The following ABCC1 variants were observed in gnomAD, a reference collection of about 807,000 sequenced individuals.
ABCC1 encodes the protein ATP binding cassette subfamily C member 1 (ABCC1 blood group).
ABCC1 carries 83 observed loss-of-function variants against 172.9 expected under a neutral mutation model. The observed-to-expected ratio is 0.48, with a 90% CI of 0.40 to 0.58. ABCC1 has a LOEUF of 0.58. Ranked by LOEUF, ABCC1 falls within the 20% of genes least tolerant of loss-of-function variation. The pLI, the probability that ABCC1 is intolerant of heterozygous loss-of-function variation, is 0.00. For missense variants in ABCC1, 1,817 were observed against 2,002.7 expected, an observed-to-expected ratio of 0.91 and a Z score of 1.77; for synonymous variants, 937 against 825.2, an observed-to-expected ratio of 1.14 and a Z score of -2.32.
chr16:15,999,836 C>CTCTTTCTTTCTTTCTTTCTTTCTTTCTT (rs375541317), intron 1 of ABCC1, among the ~76,000 whole-genome samples: 639 of 16,752 alleles, frequency 0.038, 58 homozygotes, highest in Admixed American at 0.054. Flanking sequence ...CTCTCTCTGT[C>CTCTTTCTTTCTTTCTTTCTTTCTTTCTT]TCTTTCTTTC....
chr16:15,949,808 C>G lies in ABCC1; in HGVS notation c.48+9C>G. 1 of 1,194,062 alleles carries G rather than the reference C, an allele frequency of 8.4e-7. No homozygotes were observed. The allele number at this position is 1,194,062 out of a possible 1,614,324, so 74.0% of individuals were successfully genotyped here. ...GCTCCGACCCGCTCTGGGTACGTGC[C>G]GGGGGCCGCGTGAGGCCGGCGGGAC... On this transcript the variant is annotated intron_variant, in intron 1 of 30. Coordinates refer to ENST00000399410, the MANE Select transcript of ABCC1 (RefSeq NM_004996.4).
chr16:15,998,055 C>T (rs1049741458), intron 1 of ABCC1, among the ~76,000 whole-genome samples: 2 of 151,752 alleles, frequency 1.3e-5, no homozygotes, highest in African/African-American at 4.8e-5. Flanking sequence ...CTCCTGGCCT[C>T]AAGTGATCTG....
chr16:16,124,938 G>A, intron 25 of ABCC1, 23 bp downstream of exon 25: 1 of 1,613,966 alleles, frequency 6.2e-7, no homozygotes, highest in African/African-American at 1.3e-5. Context: ...GCTCTTGGCT[G>A]GATTATTAAA....
chr16:16,009,592 G>A (rs1050979951), intron 2 of ABCC1, among the ~76,000 whole-genome samples, 184 bp from the exon 3 acceptor site: 2 of 152,184 alleles, frequency 1.3e-5, no homozygotes, highest in African/African-American at 4.8e-5. Flanking sequence ...TGCCGGCCTG[G>A]ATGCCAGCTC....
At position 16,004,815 on chromosome 16, in the gene ABCC1, C is replaced by T. The variant is rs533336845; in HGVS notation, c.49-3001C>T. Reference sequence around the variant, plus strand: ...GATTACAGACGTGCACTACCCTGCCCGGCTAATTTTTATGTTTTTAGTAAA... The same window carrying T: ...GATTACAGACGTGCACTACCCTGCCTGGCTAATTTTTATGTTTTTAGTAAA... On this transcript the variant is annotated intron_variant, in intron 1 of 30. Coordinates refer to ENST00000399410, the MANE Select transcript of ABCC1 (RefSeq NM_004996.4). Among the ~76,000 whole-genome samples the T allele has an allele frequency of 5.3e-5, 8 of 151,464 alleles. No homozygotes were observed. In the East Asian group the frequency reaches 1.2e-3, roughly 22 times the overall value.
rs533546619 is a variant in ABCC1, at chr16:16,010,339, G to C, written c.351+438G>C. ...TTATAAGCATGAGCCACTGTTCCCA[G>C]CCCCAGCTGCAGTCTTTGGATGGGG... On this transcript the variant is annotated intron_variant, in intron 3 of 30. Coordinates refer to ENST00000399410, the MANE Select transcript of ABCC1 (RefSeq NM_004996.4). Among the ~76,000 whole-genome samples the C allele has an allele frequency of 2.8e-4, 43 of 152,246 alleles. 1 individual carries two copies. Among genetic ancestry groups the C allele is most frequent in the Admixed American group, 1.0e-3 (16 of 15,272 alleles).
intron 1 of ABCC1, among the ~76,000 whole-genome samples, chr16:15,966,241 CA>C (rs1415186681): frequency 6.6e-6 from 1 of 151,482 alleles, no homozygotes; most frequent in East Asian, 1.9e-4. Flanking sequence ...GGTGAAACCC[CA>C]TCTCTACTAA....
At position 16,102,722 on chromosome 16, in the gene ABCC1, G is replaced by C; in HGVS notation, c.2735+5G>C. On this transcript the variant is annotated splice_donor_5th_base_variant and intron_variant, in intron 20 of 30. Transcript: ENST00000399410. Reference sequence around the variant, plus strand: ...TGCAGGGAAGCAACTGCAGAGGTAAGGGCGGGGAGGAAGGCCCCAACCTAA... The same window carrying C: ...TGCAGGGAAGCAACTGCAGAGGTAACGGCGGGGAGGAAGGCCCCAACCTAA... The C allele has an allele frequency of 1.3e-6, 2 of 1,567,174 alleles. No homozygotes were observed. Among genetic ancestry groups the C allele is most frequent in the Non-Finnish European group, 1.7e-6 (2 of 1,155,640 alleles).
chr16:16,093,570 A>G (rs1169906292), intron 19 of ABCC1, among the ~76,000 whole-genome samples: 1 of 152,138 alleles, frequency 6.6e-6, no homozygotes, highest in Non-Finnish European at 1.5e-5. Flanking sequence ...TTGAGGTTAC[A>G]TAGAAGTCCT....
At chr16:16,035,802 G>A (rs890500778) in intron 6 of ABCC1, among the ~76,000 whole-genome samples, 2 of 151,570 alleles carry the variant, frequency 1.3e-5, no homozygotes, top group African/African-American at 2.4e-5. Context: ...GCCCATATCA[G>A]CCTTTTTTAA....
chr16:16,008,842 CAAAAAA>C (rs1208088210), intron 2 of ABCC1, among the ~76,000 whole-genome samples: 4 of 60,236 alleles, frequency 6.6e-5, no homozygotes, highest in African/African-American at 1.8e-4. Context: ...GACTCCTTCT[CAAAAAA>C]AAAAAAAAAA....
chr16:16,071,260 A>ATTT lies in ABCC1; in HGVS notation c.1825-367_1825-365dup, dbSNP rs55691800. 1.8e-3 allele frequency among the ~76,000 whole-genome samples: 237 copies of ATTT among 130,646 alleles called. 6 individuals are homozygous for ATTT. The highest frequency in any genetic ancestry group is 6.7e-3 in the South Asian group (27 of 4,014). 85.7% of individuals were successfully genotyped at this position (130,646 alleles called of 152,430 possible). A position where few individuals can be genotyped will look rare whatever the true frequency, so the allele number is the denominator to read the frequency against. On this transcript the variant is annotated intron_variant, in intron 13 of 30. Coordinates refer to ENST00000399410, the MANE Select transcript of ABCC1 (RefSeq NM_004996.4). ...CCACCATGCCAGGCTAATTTTATGT[A>ATTT]TTTTTTTTTTTTTTTTTAGCTGAGG...
At position 16,136,650 on chromosome 16, in the gene ABCC1, CG is replaced by C. The variant is rs749961786; in HGVS notation, c.4292+11del. ...GAAGGCGGGGAGAACCTCAGGTAGG[CG>C]GGGGTGAACAAGGAGACACCGGGTA... On this transcript the variant is annotated splice_region_variant and intron_variant, in intron 29 of 30. Coordinates refer to ENST00000399410, the MANE Select transcript of ABCC1 (RefSeq NM_004996.4). 20 of 1,613,418 alleles carry C rather than the reference CG, an allele frequency of 1.2e-5. No homozygotes were observed. The Admixed American group carries it at 2.0e-4, about 16-fold the overall frequency.
At chr16:16,100,781 G>A (rs7202970) in intron 19 of ABCC1, among the ~76,000 whole-genome samples, 4,618 of 152,152 alleles carry the variant, frequency 0.03, 234 homozygotes, top group African/African-American at 0.11. Context: ...TCACCCTCTC[G>A]CAAATGAAGG....
At position 16,078,483 on chromosome 16, in the gene ABCC1, C is replaced by T. The variant is rs115965914; in HGVS notation, c.1989-869C>T. Among the ~76,000 whole-genome samples, 6 of 152,286 alleles carry T rather than the reference C, an allele frequency of 3.9e-5. No homozygotes were observed. In the South Asian group the frequency reaches 1.0e-3, roughly 26 times the overall value. On this transcript the variant is annotated intron_variant, in intron 15 of 30. Coordinates refer to ENST00000399410, the MANE Select transcript of ABCC1 (RefSeq NM_004996.4). ...CCCTTTTCAACCCTTTGGTGGCTCC[C>T]GGCTGGCAGAGTTCAGGTGTCTTAG... is the stretch of plus-strand genomic sequence containing the variant.
chr16:16,115,074 C>T lies in ABCC1; in HGVS notation c.3388C>T (p.Gln1130Ter). 1 of 1,613,472 alleles carries T rather than the reference C, an allele frequency of 6.2e-7. No individual in the cohort carries two copies. Among genetic ancestry groups the T allele is most frequent in the Non-Finnish European group, 8.5e-7 (1 of 1,179,422 alleles). The change falls in exon 23 of 31, where the codon CAG becomes TAG. Residue 1130 changes from glutamine (Q) to a stop codon, truncating the protein, a stop_gained and splice_region_variant. Transcript: ENST00000399410. LOFTEE classifies it high-confidence loss of function. Reference protein sequence around the residue: ...PPLGLIYFFVQRFYVASSRQL... With the variant: ...PPLGLIYFFV ...CCTTGGCCTCATCTACTTCTTCGTCCAGGTAAGGGGTGAGGTCTTAGTGTT... is the reference window on the plus strand; with the variant it reads ...CCTTGGCCTCATCTACTTCTTCGTCTAGGTAAGGGGTGAGGTCTTAGTGTT...
chr16:16,011,685 C>T (rs969632124), intron 3 of ABCC1, among the ~76,000 whole-genome samples: 6 of 151,320 alleles, frequency 4.0e-5, no homozygotes, highest in Non-Finnish European at 8.8e-5. Flanking sequence ...TATTTTTCCC[C>T]CCGAGATGGA....
At chr16:16,051,055 G>A (rs186378530) in intron 10 of ABCC1, among the ~76,000 whole-genome samples, 1 of 152,132 alleles carries the variant, frequency 6.6e-6, no homozygotes, top group African/African-American at 2.4e-5. Flanking sequence ...TAAGAAAATT[G>A]TCTAACATCA....
At chr16:16,020,952 A>C (rs1216067190) in intron 5 of ABCC1, among the ~76,000 whole-genome samples, 1 of 152,192 alleles carries the variant, frequency 6.6e-6, no homozygotes, top group African/African-American at 2.4e-5. Flanking sequence ...TGTTGTGCAC[A>C]ATCATGTCAC....
Sources: allele counts gnomAD v4.1 joint callset (sites outside exome capture counted in the v4.1 genomes callset), GRCh38; gene constraint gnomAD v4.1.1; transcripts MANE v1.5; gene names NCBI Gene and HGNC (gene_info 2026-07-23, HGNC 2026-07-21).